Variants in CCSER2 observed in about 807,000 individuals in gnomAD.
CCSER2 encodes the protein coiled-coil serine rich protein 2, also known as serine-rich coiled-coil domain-containing protein 2.
A neutral mutation model predicts 92.3 loss-of-function variants in CCSER2; 46 were observed. That is an observed-to-expected ratio of 0.50 (90% CI 0.39 to 0.64). The LOEUF (loss-of-function observed/expected upper bound fraction) is 0.64, where lower values mean the gene tolerates loss of function less well. Ranked by LOEUF, CCSER2 falls within the 30% of genes least tolerant of loss-of-function variation. CCSER2 has a pLI of 0.00. For missense variants in CCSER2, 1,244 were observed against 1,238.9 expected (o/e 1.00, Z -0.06); for synonymous variants, 433 against 431.4 (o/e 1.00, Z -0.04).
At chr10:84,479,180 T>TA (rs1847320526) in intron 9 of CCSER2, among the ~76,000 whole-genome samples, 1 of 152,116 alleles carries the variant, frequency 6.6e-6, no homozygotes, top group Non-Finnish European at 1.5e-5. Flanking sequence ...AAAGTAACTA[T>TA]AAAAAAAGTA....
At chr10:84,496,863 A>G (rs1848482327) in intron 9 of CCSER2, among the ~76,000 whole-genome samples, 1 of 151,806 alleles carries the variant, frequency 6.6e-6, no homozygotes, top group African/African-American at 2.4e-5. Context: ...TTTTCTCTCT[A>G]CCTTTCAGAA....
chr10:84,446,870 G>C (rs1564673092), intron 6 of CCSER2, among the ~76,000 whole-genome samples: 1 of 151,968 alleles, frequency 6.6e-6, no homozygotes, highest in East Asian at 1.9e-4. Flanking sequence ...TATAATGTGA[G>C]TATTCCTCTA....
At chr10:84,510,565 A>T (rs11595427) in intron 9 of CCSER2, among the ~76,000 whole-genome samples, 19,267 of 152,230 alleles carry the variant, frequency 0.13, 1,495 homozygotes, top group Admixed American at 0.23. Flanking sequence ...AGCCATGAGG[A>T]TATGGGATCT....
chr10:84,330,688 T>C (rs566627910), intron 1 of CCSER2, among the ~76,000 whole-genome samples: 1 of 152,254 alleles, frequency 6.6e-6, no homozygotes, highest in South Asian at 2.1e-4. Flanking sequence ...AATTTTTTTT[T>C]AGTAGAGACG....
chr10:84,374,358 A>T (rs1846220382), intron 3 of CCSER2, among the ~76,000 whole-genome samples: 1 of 152,124 alleles, frequency 6.6e-6, no homozygotes, highest in African/African-American at 2.4e-5. Context: ...TACTCTTAGA[A>T]AGTTTGTTGT....
chr10:84,487,875 T>A (rs1589795970), intron 9 of CCSER2, among the ~76,000 whole-genome samples: 1 of 152,184 alleles, frequency 6.6e-6, no homozygotes, highest in Non-Finnish European at 1.5e-5. Flanking sequence ...TGGCTGTGGG[T>A]TTTTCATAAA....
chr10:84,491,885 TA>T (rs1848191701), intron 9 of CCSER2, among the ~76,000 whole-genome samples: 1 of 152,214 alleles, frequency 6.6e-6, no homozygotes, highest in African/African-American at 2.4e-5. Context: ...TTCTTTGGTG[TA>T]ATCTACATGC....
At chr10:84,337,927 A>T (rs1449282777) in intron 1 of CCSER2, among the ~76,000 whole-genome samples, 1 of 152,192 alleles carries the variant, frequency 6.6e-6, no homozygotes, top group Non-Finnish European at 1.5e-5. Flanking sequence ...GTTAAGGTGA[A>T]CACTGAGTAG....
chr10:84,410,122 A>C (rs960753000), intron 3 of CCSER2, among the ~76,000 whole-genome samples: 1 of 152,206 alleles, frequency 6.6e-6, no homozygotes, highest in Non-Finnish European at 1.5e-5. Context: ...ATAGTATTCC[A>C]CGGTGTATAT....
intron 3 of CCSER2, among the ~76,000 whole-genome samples, chr10:84,392,440 G>T (rs1841579654): frequency 6.6e-6 from 1 of 151,382 alleles, no homozygotes; most frequent in Non-Finnish European, 1.5e-5. Flanking sequence ...CAAGAAAGAG[G>T]AACAATTCTA....
chr10:84,431,105 A>T (rs1462643573), intron 5 of CCSER2, among the ~76,000 whole-genome samples: 2 of 152,208 alleles, frequency 1.3e-5, no homozygotes, highest in African/African-American at 4.8e-5. Context: ...TGATGAGTCA[A>T]TATTGATATT....
intron 7 of CCSER2, among the ~76,000 whole-genome samples, chr10:84,465,274 TGTGTGTGTGTGTGTGTGA>T (rs1223236159): frequency 1.4e-5 from 1 of 72,782 alleles, no homozygotes; most frequent in African/African-American, 7.5e-5. Flanking sequence ...TGTGTGTGTG[TGTGTGTGTGTGTGTGTGA>T]AAAAGTTTTT....
At chr10:84,497,553 G>C (rs922180688) in intron 9 of CCSER2, among the ~76,000 whole-genome samples, 2 of 152,226 alleles carry the variant, frequency 1.3e-5, no homozygotes, top group African/African-American at 4.8e-5. Context: ...GGTGGTTATA[G>C]TGTGTGGCCG....
intron 9 of CCSER2, among the ~76,000 whole-genome samples, chr10:84,501,834 A>AAATATATATATATATATATATACTCATAT (rs1167460274): frequency 2.5e-5 from 1 of 40,152 alleles, no homozygotes; most frequent in African/African-American, 4.7e-5. Context: ...AAAAAAAAAA[A>AAATATATATATATATATATATACTCATAT]ATATATATAT....
chr10:84,386,349 T>C (rs1289849922), intron 3 of CCSER2, among the ~76,000 whole-genome samples: 1 of 152,224 alleles, frequency 6.6e-6, no homozygotes, highest in African/African-American at 2.4e-5. Context: ...TCAACTTAAG[T>C]GTCCATTAGT....
chr10:84,457,255 A>ATT (rs1845699294), intron 6 of CCSER2, among the ~76,000 whole-genome samples: 1 of 40,728 alleles, frequency 2.5e-5, no homozygotes, highest in Non-Finnish European at 4.4e-5. Context: ...TATATATTAT[A>ATT]TAAAATATAT....
intron 3 of CCSER2, among the ~76,000 whole-genome samples, chr10:84,396,682 A>G (rs550961739): frequency 6.6e-6 from 1 of 151,364 alleles, no homozygotes; most frequent in Admixed American, 6.6e-5. Flanking sequence ...TTATTTTGAG[A>G]CTGGGTTATG....
chr10:84,502,394 A>G (rs1183980609), intron 9 of CCSER2, among the ~76,000 whole-genome samples: 1 of 138,820 alleles, frequency 7.2e-6, no homozygotes, highest in African/African-American at 2.6e-5. Flanking sequence ...TTTTTGAGAC[A>G]AGAGTCTTGC....
chr10:84,341,052 T>TC (rs1395450126), intron 1 of CCSER2, among the ~76,000 whole-genome samples: 1 of 149,966 alleles, frequency 6.7e-6, no homozygotes, highest in Non-Finnish European at 1.5e-5. Flanking sequence ...TTTTTTTTTT[T>TC]TTTTTTGAGA....
Sources: gnomAD v4.1 joint callset for allele counts (sites outside exome capture counted in the v4.1 genomes callset) on GRCh38, gnomAD v4.1.1 for gene constraint, MANE v1.5 for transcripts, NCBI Gene and HGNC (gene_info 2026-07-23, HGNC 2026-07-21) for gene names.